Variants in DNPEP observed in about 807,000 individuals in gnomAD.
DNPEP encodes aspartyl aminopeptidase.
DNPEP carries 46 observed loss-of-function variants against 59.1 expected under a neutral mutation model. That is an observed-to-expected ratio of 0.78 (90% CI 0.61 to 0.99). The LOEUF is 0.99. DNPEP is among the 50% of genes least tolerant of loss of function. The pLI is 0.00. For missense variants in DNPEP, 617 were observed against 649.9 expected, an observed-to-expected ratio of 0.95 and a Z score of 0.55; for synonymous variants, 229 against 242.2, an observed-to-expected ratio of 0.95 and a Z score of 0.50.
intron 1 of DNPEP, among the ~76,000 whole-genome samples, chr2:219,399,027 C>A (rs1954143658): frequency 6.6e-6 from 1 of 152,352 alleles, no homozygotes; most frequent in Admixed American, 6.5e-5. Flanking sequence ...TCTAGGGAAG[C>A]TTACTCATTT....
At chr2:219,391,143 C>G (rs1453112473), upstream of DNPEP, among the ~76,000 whole-genome samples, 1 of 152,170 alleles carries the variant, frequency 6.6e-6, no homozygotes, top group Non-Finnish European at 1.5e-5. Flanking sequence ...CATTGTTTCC[C>G]TATGGTATGT....
upstream of DNPEP, among the ~76,000 whole-genome samples, chr2:219,390,987 A>C (rs532691859): frequency 2.0e-5 from 3 of 152,228 alleles, no homozygotes; most frequent in African/African-American, 7.2e-5. Flanking sequence ...TGGGAAGCTA[A>C]TCTGCCATGT....
chr2:219,390,906 TGGGTAATA>T (rs1574998534), upstream of DNPEP, among the ~76,000 whole-genome samples: 1 of 152,188 alleles, frequency 6.6e-6, no homozygotes, highest in Admixed American at 6.5e-5. Flanking sequence ...ATGGAAAAGA[TGGGTAATA>T]TCAAGTGTTG....
At position 219,399,578 on chromosome 2, in the gene DNPEP, G is replaced by C. The variant is rs1422885175; in HGVS notation, c.-158+362C>G. The stretch of plus-strand genomic sequence containing the variant: ...TATCAAAAAACACTTGTGCCGATGG[G>C]TGGGCTGCCCTTGAACTCAGTTGTT... On this transcript the variant is annotated intron_variant, in intron 1 of 6. Coordinates refer to the DNPEP transcript ENST00000434339. 5 of 620,030 alleles carry C rather than the reference G, an allele frequency of 8.1e-6. No homozygotes were observed. In the African/African-American group the frequency reaches 9.0e-5, roughly 11 times the overall value. The allele number at this position is 620,030 out of a possible 1,614,324, so 38.4% of individuals were successfully genotyped here.
Position 219,385,722 on chromosome 2 carries a change from G to T in DNPEP, c.591-16C>A. ...AATGGGGACTCTGTGGGGAGACGTG[G>T]GTTGTGGGGGGATTGCGAGGAGGGC... On this transcript the variant is annotated splice_polypyrimidine_tract_variant and intron_variant, in intron 6 of 14. Transcript: ENST00000273075. 6.3e-7 allele frequency: 1 copy of T among 1,589,466 alleles called. No individual in the cohort carries two copies. Among genetic ancestry groups the T allele is most frequent in the Non-Finnish European group, 8.6e-7 (1 of 1,166,626 alleles).
At chr2:219,376,264 G>C (rs1408704073) in intron 13 of DNPEP, among the ~76,000 whole-genome samples, 1 of 152,152 alleles carries the variant, frequency 6.6e-6, no homozygotes, top group East Asian at 1.9e-4. Context: ...AAGGTGTGCA[G>C]ATCACATGAT....
At chr2:219,389,556 G>T (rs1042557225), upstream of DNPEP, among the ~76,000 whole-genome samples, 3 of 152,172 alleles carry the variant, frequency 2.0e-5, no homozygotes, top group Non-Finnish European at 4.4e-5. Context: ...TGGGCCTGGC[G>T]CAGTGGCTCA....
At chr2:219,388,641 C>A, upstream of DNPEP, 1 of 959,352 alleles carries the variant, frequency 1.0e-6, no homozygotes, top group Non-Finnish European at 1.2e-6. Context: ...CAGCCGCGGA[C>A]GGCCCGCCTC....
chr2:219,386,417 T>C lies in DNPEP; in HGVS notation c.334-6A>G. ...CGGCGAGACCGACGTTTCACCTGAG[T>C]GTAAAGATGGAGAAGTCAGAGAAGG... is the stretch of plus-strand genomic sequence containing the variant. On this transcript the variant is annotated splice_polypyrimidine_tract_variant and splice_region_variant and intron_variant, in intron 4 of 14. Coordinates refer to ENST00000273075, the MANE Select transcript of DNPEP (RefSeq NM_012100.4). The C allele has an allele frequency of 1.2e-6, 2 of 1,614,030 alleles. No homozygotes were observed. Among genetic ancestry groups the C allele is most frequent in the Non-Finnish European group, 1.7e-6 (2 of 1,180,006 alleles).
chr2:219,377,230 C>T (rs926429821), intron 13 of DNPEP, among the ~76,000 whole-genome samples: 4 of 143,030 alleles, frequency 2.8e-5, no homozygotes, highest in African/African-American at 8.0e-5. Context: ...GCCGAGATCA[C>T]GCCATTAGAC....
chr2:219,380,842 T>TACACACACACACACACAC (rs58867229), intron 13 of DNPEP, among the ~76,000 whole-genome samples: 26,566 of 145,306 alleles, frequency 0.18, 2,531 homozygotes, highest in South Asian at 0.29. Context: ...CATATATATG[T>TACACACACACACACACAC]ACACACACAC....
upstream of DNPEP, among the ~76,000 whole-genome samples, chr2:219,392,601 T>C (rs1954035869): frequency 6.6e-6 from 1 of 152,200 alleles, no homozygotes; most frequent in Non-Finnish European, 1.5e-5. Context: ...CTTCATTTCC[T>C]GGGTTCCAGA....
At chr2:219,388,834 C>T (rs544953759), upstream of DNPEP, 1 of 985,482 alleles carries the variant, frequency 1.0e-6, no homozygotes, top group South Asian at 4.7e-5. Context: ...GGCCTGTTAC[C>T]TCGTTTAATC....
At chr2:219,392,334 G>A (rs909416462), upstream of DNPEP, among the ~76,000 whole-genome samples, 8 of 151,464 alleles carry the variant, frequency 5.3e-5, no homozygotes, top group Non-Finnish European at 1.0e-4. Context: ...GAGTTTATAA[G>A]ATACATATGT....
chr2:219,377,476 A>G (rs1054496504), intron 13 of DNPEP, among the ~76,000 whole-genome samples: 1 of 152,164 alleles, frequency 6.6e-6, no homozygotes, highest in African/African-American at 2.4e-5. Flanking sequence ...ACTGGAAGAC[A>G]TTTAAGCAAC....
Position 219,372,930 on chromosome 2 carries a change from T to C in DNPEP, c.*1362A>G, listed in dbSNP as rs1953236970. On this transcript the variant is annotated 3_prime_UTR_variant, in exon 15 of 15. Transcript: ENST00000273075. Reference sequence around the variant, plus strand: ...GAAATATCTCTATATTATATTAAGTTTTTTAGAAAGCTGAAGTGGAATATT... The same window carrying C: ...GAAATATCTCTATATTATATTAAGTCTTTTAGAAAGCTGAAGTGGAATATT... 6.6e-6 allele frequency among the ~76,000 whole-genome samples: 1 copy of C among 152,192 alleles called. No individual in the cohort carries two copies. Among genetic ancestry groups the C allele is most frequent in the African/African-American group, 2.4e-5 (1 of 41,462 alleles).
chr2:219,386,473 G>A (rs1373901339), intron 4 of DNPEP, 62 bp from the exon 5 acceptor site: 1 of 1,607,046 alleles, frequency 6.2e-7, no homozygotes, highest in Admixed American at 1.7e-5. Context: ...ATGAGACTTT[G>A]GCTACTCATA....
rs1207153789 is a variant in DNPEP at position 219,374,330 on chromosome 2, G to C, written c.1420C>G (p.Leu474Val). 7 of 1,613,968 alleles carry C rather than the reference G, an allele frequency of 4.3e-6. No homozygotes were observed. The highest frequency in any genetic ancestry group is 5.9e-6 in the Non-Finnish European group (7 of 1,179,964). Residue 474 changes from leucine to valine, a missense_variant, in exon 15 of 15, where the codon CTG becomes GTG. Leu to Val is a conservative substitution (Grantham distance 32). Coordinates refer to ENST00000273075, the MANE Select transcript of DNPEP (RefSeq NM_012100.4). ...AGATTATGGCTTAGAGAAGGGAACA[G>C]CTCAAAGAAGCCCTATAATGGGAGG... The part of the protein sequence containing the change: ...TLTLFKGFFE[L>V]FPSLSHNLLV...
upstream of DNPEP, chr2:219,389,052 A>G (rs997120309): frequency 9.5e-5 from 17 of 179,476 alleles, no homozygotes; most frequent in African/African-American, 4.1e-4. Flanking sequence ...CGCTTTGGTA[A>G]GTGTTATGTT....
Sources: gnomAD v4.1 joint callset for allele counts (sites outside exome capture counted in the v4.1 genomes callset) on GRCh38, gnomAD v4.1.1 for gene constraint, MANE v1.5 for transcripts, NCBI Gene and HGNC (gene_info 2026-07-23, HGNC 2026-07-21) for gene names.